The following LOC122539214 variants were observed in gnomAD, a reference collection of about 807,000 sequenced individuals.
chr19:52,654,294 A>G, the LOC122539214 span: 1 of 1,527,468 alleles, frequency 6.5e-7, no homozygotes. Flanking sequence ...GGAAGCAAAA[A>G]TCTCCAATGT....
chr19:52,685,805 G>A, the LOC122539214 span, among the ~76,000 whole-genome samples: 10 of 151,228 alleles, frequency 6.6e-5, no homozygotes, highest in Admixed American at 2.0e-4. Flanking sequence ...GGCTGAAGCA[G>A]GAGAATCACT....
chr19:52,676,897 A>G, the LOC122539214 span, among the ~76,000 whole-genome samples: 59 of 136,368 alleles, frequency 4.3e-4, no homozygotes, highest in Middle Eastern at 3.5e-3. Flanking sequence ...GTGGTGCAAG[A>G]TGTGCTTTGT....
the LOC122539214 span, among the ~76,000 whole-genome samples, chr19:52,678,472 G>GA: frequency 3.2e-3 from 455 of 142,148 alleles, 6 homozygotes; most frequent in African/African-American, 0.011. Flanking sequence ...AAAGAAAAAA[G>GA]AAAAAAAAAC....
At chr19:52,653,402 G>A in the LOC122539214 span, 7 of 924,482 alleles carry the variant, frequency 7.6e-6, no homozygotes, top group Non-Finnish European at 1.2e-5. Context: ...CATGTGTAAG[G>A]TTTCTCTTCA....
chr19:52,660,754 C>A, the LOC122539214 span: 1 of 209,964 alleles, frequency 4.8e-6, no homozygotes, highest in South Asian at 9.1e-5. Flanking sequence ...TGAGGAATAT[C>A]ACTTTACCTG....
At chr19:52,656,990 G>T in the LOC122539214 span, among the ~76,000 whole-genome samples, 1 of 151,914 alleles carries the variant, frequency 6.6e-6, no homozygotes, top group Non-Finnish European at 1.5e-5. Context: ...ACCTAGAGAG[G>T]ACACATCCAC....
the LOC122539214 span, among the ~76,000 whole-genome samples, chr19:52,666,010 A>AC: frequency 6.6e-6 from 1 of 151,634 alleles, no homozygotes; most frequent in Non-Finnish European, 1.5e-5. Flanking sequence ...TACAAAAAAA[A>AC]AAAATTAGCC....
At chr19:52,663,001 A>G in the LOC122539214 span, among the ~76,000 whole-genome samples, 13 of 152,038 alleles carry the variant, frequency 8.6e-5, no homozygotes, top group African/African-American at 2.9e-4. Context: ...CGTCTCTATG[A>G]AAAGTACAAA....
At chr19:52,655,831 T>C in the LOC122539214 span, 234,519 of 479,822 alleles carry the variant, frequency 0.49, 60,236 homozygotes, top group East Asian at 0.74. Context: ...ACATTTCTTT[T>C]TGTGCAGTTG....
chr19:52,674,140 C>T, the LOC122539214 span: 2 of 152,120 alleles, frequency 1.3e-5, no homozygotes, highest in Non-Finnish European at 2.9e-5. Context: ...GTTAAAAAGC[C>T]CTCAAATGAA....
the LOC122539214 span, among the ~76,000 whole-genome samples, chr19:52,677,472 T>G: frequency 1.3e-5 from 2 of 150,982 alleles, no homozygotes; most frequent in African/African-American, 4.9e-5. Context: ...GGTGACAGAG[T>G]GAGACTCTGT....
chr19:52,690,182 GAAA>G, the LOC122539214 span, among the ~76,000 whole-genome samples: 9 of 132,188 alleles, frequency 6.8e-5, no homozygotes, highest in African/African-American at 1.7e-4. Flanking sequence ...ATGATTTTGA[GAAA>G]AAAAAAAAAA....
At chr19:52,686,475 T>A in the LOC122539214 span, among the ~76,000 whole-genome samples, 3 of 100,114 alleles carry the variant, frequency 3.0e-5, no homozygotes, top group Non-Finnish European at 6.1e-5. Flanking sequence ...TATATATATA[T>A]ATATATAAAT....
the LOC122539214 span, among the ~76,000 whole-genome samples, chr19:52,687,024 A>G: frequency 6.6e-6 from 1 of 151,894 alleles, no homozygotes; most frequent in Non-Finnish European, 1.5e-5. Context: ...TCTACTAAAA[A>G]TACAAAATTG....
At chr19:52,665,251 T>C in the LOC122539214 span, among the ~76,000 whole-genome samples, 1 of 151,976 alleles carries the variant, frequency 6.6e-6, no homozygotes, top group African/African-American at 2.4e-5. Context: ...CACCACCTGC[T>C]GCTTAAACAC....
At chr19:52,657,362 A>G in the LOC122539214 span, among the ~76,000 whole-genome samples, 2 of 151,854 alleles carry the variant, frequency 1.3e-5, no homozygotes, top group South Asian at 4.2e-4. Flanking sequence ...TCATATCAGG[A>G]ATTTGGGAGG....
At chr19:52,653,925 T>C in the LOC122539214 span, 1 of 1,057,270 alleles carries the variant, frequency 9.5e-7, no homozygotes, top group East Asian at 2.4e-5. Context: ...TCATGTGTTC[T>C]TCCTGGATTT....
the LOC122539214 span, among the ~76,000 whole-genome samples, chr19:52,659,613 CAAAAA>C: frequency 1.7e-5 from 2 of 114,292 alleles, no homozygotes; most frequent in African/African-American, 3.2e-5. Context: ...GACTCCAACT[CAAAAA>C]AAAAAAAAAG....
the LOC122539214 span, among the ~76,000 whole-genome samples, chr19:52,675,095 A>T: frequency 6.6e-6 from 1 of 152,222 alleles, no homozygotes; most frequent in Non-Finnish European, 1.5e-5. Flanking sequence ...AATGTCACTG[A>T]AGGCTGACAA....
Sources: allele counts gnomAD v4.1 joint callset (sites outside exome capture counted in the v4.1 genomes callset), GRCh38; gene constraint gnomAD v4.1.1; transcripts MANE v1.5.